ZSCAN31: variants seen among roughly 807,000 people sequenced by gnomAD.
The protein encoded by ZSCAN31 is zinc finger and SCAN domain-containing protein 31.
Under a neutral mutation model 22.5 loss-of-function variants are expected in ZSCAN31, and 14 were observed. The observed-to-expected ratio is 0.62, with a 90% CI of 0.41 to 0.97. ZSCAN31 has a LOEUF of 0.97. Ranked by LOEUF, ZSCAN31 falls within the 50% of genes least tolerant of loss-of-function variation. ZSCAN31 has a pLI of 0.00. For missense variants in ZSCAN31, 424 were observed against 483.4 expected, an observed-to-expected ratio of 0.88 and a Z score of 1.15; for synonymous variants, 168 against 169.8, an observed-to-expected ratio of 0.99 and a Z score of 0.08.
At chr6:28,328,365 C>T (rs1332609375) in intron 2 of ZSCAN31, among the ~76,000 whole-genome samples, 2 of 152,304 alleles carry the variant, frequency 1.3e-5, no homozygotes, top group South Asian at 2.1e-4. Context: ...GAGATGGCTA[C>T]GCCCAGGGGG....
intron 1 of ZSCAN31, chr6:28,335,455 G>T (rs1258438158): frequency 1.3e-5 from 2 of 152,266 alleles, no homozygotes; most frequent in African/African-American, 4.8e-5. Flanking sequence ...TCCTTTTGTG[G>T]GTATGGACAC....
intron 1 of ZSCAN31, among the ~76,000 whole-genome samples, chr6:28,334,845 G>A (rs1402707589): frequency 6.6e-6 from 1 of 152,238 alleles, no homozygotes. Context: ...CCTACACTTA[G>A]TTGGGTGTGC....
At chr6:28,350,081 A>AGTGTGTGT (rs955657610) in intron 2 of ZSCAN31, 3 of 100,278 alleles carry the variant, frequency 3.0e-5, no homozygotes, top group Non-Finnish European at 5.6e-5. Context: ...CGTTTGCAGG[A>AGTGTGTGT]GTATGTGTGT....
chr6:28,338,886 A>G (rs937179852), upstream of ZSCAN31, among the ~76,000 whole-genome samples: 2 of 152,198 alleles, frequency 1.3e-5, no homozygotes, highest in African/African-American at 4.8e-5. Context: ...GTAAACTTCT[A>G]TCAAGTTTCT....
At chr6:28,354,072 C>T (rs1364328212) in intron 1 of ZSCAN31, 3 of 406,552 alleles carry the variant, frequency 7.4e-6, no homozygotes, top group South Asian at 1.8e-5. Flanking sequence ...CTCTGTGGCT[C>T]CTGCCGCTCC....
chr6:28,326,862 A>G lies in ZSCAN31; in HGVS notation c.533-8T>C, dbSNP rs1293294900. 1.3e-6 allele frequency: 2 copies of G among 1,599,316 alleles called. No individual in the cohort carries two copies. Among genetic ancestry groups the G allele is most frequent in the East Asian group, 4.5e-5 (2 of 44,796 alleles). On this transcript the variant is annotated splice_region_variant and splice_polypyrimidine_tract_variant and intron_variant, in intron 3 of 3. Coordinates refer to ENST00000344279, the MANE Select transcript of ZSCAN31 (RefSeq NM_030899.5). ...CAGGTATACTTTCACCATCTGGAAT[A>G]ATAAATGGACCAAACAATGTAATCT...
chr6:28,353,851 A>G (rs1343658020), intron 2 of ZSCAN31: 2 of 457,038 alleles, frequency 4.4e-6, no homozygotes, highest in Non-Finnish European at 8.8e-6. Flanking sequence ...CAACATGTAT[A>G]TGGTACTTAC....
chr6:28,341,926 C>T (rs1186507698), intron 2 of ZSCAN31: 1 of 152,016 alleles, frequency 6.6e-6, no homozygotes, highest in Non-Finnish European at 1.5e-5. Context: ...CACAAAAGGC[C>T]CTAGAAGGAA....
chr6:28,330,318 G>A (rs1763642934), intron 1 of ZSCAN31, among the ~76,000 whole-genome samples: 1 of 152,106 alleles, frequency 6.6e-6, no homozygotes, highest in African/African-American at 2.4e-5. Context: ...CCCACCCCAA[G>A]TAAGCTGTGC....
At chr6:28,337,810 C>G (rs974434541), upstream of ZSCAN31, 3 of 152,102 alleles carry the variant, frequency 2.0e-5, no homozygotes, top group African/African-American at 7.2e-5. Context: ...CCTGTAATCC[C>G]AACACTTTGA....
intron 3 of ZSCAN31, among the ~76,000 whole-genome samples, chr6:28,341,480 A>G (rs1205471638): frequency 6.6e-6 from 1 of 152,204 alleles, no homozygotes; most frequent in Non-Finnish European, 1.5e-5. Context: ...TCATGAGGGC[A>G]GAACTCTCAT....
chr6:28,354,209 T>C (rs780573501), upstream of ZSCAN31: 13 of 332,934 alleles, frequency 3.9e-5, no homozygotes, highest in Middle Eastern at 1.1e-3. Flanking sequence ...ACAAGTCCTA[T>C]GTACAGTGTC....
rs1764683011 is a variant in ZSCAN31, at chr6:28,347,312, G to A, written c.-370-5520C>T. Among the ~76,000 whole-genome samples the A allele has an allele frequency of 6.6e-6, 1 of 152,148 alleles. No homozygotes were observed. The highest frequency in any genetic ancestry group is 1.5e-5 in the Non-Finnish European group (1 of 68,036). ...CCTCAGCCAATCTGGCTCCCTTGCT[G>A]TTTCCTCTACCGGGAACACTTCCTT... On this transcript the variant is annotated intron_variant, in intron 2 of 7. Coordinates refer to the ZSCAN31 transcript ENST00000396838. This position sits in a 1 kb window ranked among gnomAD's most constrained non-coding sequence, Gnocchi z 5.2.
chr6:28,328,610 C>G (rs1037009635), intron 2 of ZSCAN31, among the ~76,000 whole-genome samples: 1 of 152,128 alleles, frequency 6.6e-6, no homozygotes, highest in Non-Finnish European at 1.5e-5. Context: ...CTCAAACACA[C>G]ACGCTGTACA....
chr6:28,336,401 A>G (rs1239939005), upstream of ZSCAN31: 1 of 152,228 alleles, frequency 6.6e-6, no homozygotes, highest in African/African-American at 2.4e-5. Context: ...TGTTAGGAAG[A>G]TATAAACGTA....
chr6:28,327,494 CCAAGAGCACTT>C lies in ZSCAN31; in HGVS notation c.410_420del (p.Glu137GlyfsTer27). 1.9e-6 allele frequency: 3 copies of C among 1,613,870 alleles called. No homozygotes were observed. Among genetic ancestry groups the C allele is most frequent in the Non-Finnish European group, 2.5e-6 (3 of 1,180,016 alleles). The stretch of plus-strand genomic sequence containing the variant: ...TTGACCTTCAGATGTTCCACATCCT[CCAAGAGCACTT>C]CAGAATGTCCATGTTCATGGTCTGG... On this transcript the variant is annotated frameshift_variant, in exon 3 of 4. Transcript: ENST00000344279. LOFTEE classifies it high-confidence loss of function.
chr6:28,354,170 G>T (rs185187827), exon 1 of ZSCAN31: 1 of 349,618 alleles, frequency 2.9e-6, no homozygotes, highest in African/African-American at 2.1e-5. Flanking sequence ...CTCTTACAGG[G>T]TCAGCAGTTT....
In ZSCAN31 at chr6:28,331,494, C is replaced by T. The variant is rs2113809297; in HGVS notation, c.-95-1716G>A. Among the ~76,000 whole-genome samples the T allele has an allele frequency of 6.6e-6, 1 of 152,206 alleles. No homozygotes were observed. Among genetic ancestry groups the T allele is most frequent in the East Asian group, 1.9e-4 (1 of 5,180 alleles). On this transcript the variant is annotated intron_variant, in intron 1 of 3. Coordinates refer to ENST00000344279, the MANE Select transcript of ZSCAN31 (RefSeq NM_030899.5). The surrounding 1 kb of genome is among the most constrained non-coding windows in gnomAD (Gnocchi z 4.8). ...TGGTATTTACCATGGGAAAGACAGA[C>T]CTTAATAAAATATTCACATAAAATG...
chr6:28,327,522 AT>A lies in ZSCAN31; in HGVS notation c.392del (p.His131LeufsTer16), dbSNP rs1339524796. ...AGAGCACTTCAGAATGTCCATGTTC[AT>A]GGTCTGGAGCCTGAAGGCAGGTAGG... The part of the protein sequence containing the change: ...LSEPGNQAPD[H>X]EHGHSEVLLE... On this transcript the variant is annotated frameshift_variant, in exon 3 of 4. Coordinates refer to ENST00000344279, the MANE Select transcript of ZSCAN31 (RefSeq NM_030899.5). LOFTEE classifies it high-confidence loss of function. 1.9e-6 allele frequency: 3 copies of A among 1,613,194 alleles called. No homozygotes were observed. The highest frequency in any genetic ancestry group is 1.6e-4 in the Middle Eastern group (1 of 6,084).
Sources: allele counts gnomAD v4.1 joint callset (sites outside exome capture counted in the v4.1 genomes callset), GRCh38; gene constraint gnomAD v4.1.1; non-coding constraint Gnocchi (gnomAD v3.1); transcripts MANE v1.5; gene names NCBI Gene and HGNC (gene_info 2026-07-23, HGNC 2026-07-21).